The following PLCL2 variants were observed in gnomAD, a reference collection of about 807,000 sequenced individuals.
PLCL2 encodes inactive phospholipase C-like protein 2.
PLCL2 carries 4 observed loss-of-function variants against 79.6 expected under a neutral mutation model. That is an observed-to-expected ratio of 0.05 (90% confidence interval 0.02 to 0.11). PLCL2 has a LOEUF of 0.11. PLCL2 is among the 10% of genes least tolerant of loss of function. The pLI is 1.00. For missense variants in PLCL2, 895 were observed against 1,291.0 expected (o/e 0.69, Z 4.70); for synonymous variants, 484 against 457.7 (o/e 1.06, Z -0.73).
chr3:16,994,726 C>T (rs114744114), intron 1 of PLCL2, among the ~76,000 whole-genome samples: 1,888 of 152,214 alleles, frequency 0.012, 45 homozygotes, highest in African/African-American at 0.043. Context: ...TTCATTCATT[C>T]GGGGGCTCAA....
chr3:17,011,074 C>T lies in PLCL2; in HGVS notation c.1728C>T (p.Cys576=). 1 of 1,614,010 alleles carries T rather than the reference C, an allele frequency of 6.2e-7. No individual in the cohort carries two copies. The highest frequency in any genetic ancestry group is 8.5e-7 in the Non-Finnish European group (1 of 1,180,004). Residue 576 remains cysteine (C), a synonymous_variant, in exon 2 of 6, where the codon TGC becomes TGT. Transcript: ENST00000615277. The surrounding 1 kb of genome is among the most constrained non-coding windows in gnomAD (Gnocchi z 7.9). ...LIKAKKLSSN[C]SGVEGDVTDE... ...AAGCAAAGAAGCTGTCCTCAAATTG[C>T]TCTGGGGTAGAAGGAGATGTTACTG...
At chr3:17,014,176 C>T (rs1240243791) in intron 2 of PLCL2, among the ~76,000 whole-genome samples, 1 of 152,156 alleles carries the variant, frequency 6.6e-6, no homozygotes, top group Non-Finnish European at 1.5e-5. Flanking sequence ...AAGGTCCCTG[C>T]TGGGCAGACT....
Position 17,089,598 on chromosome 3 carries a change from G to A in PLCL2, c.3205-135G>A. On this transcript the variant is annotated intron_variant, in intron 5 of 5. Transcript: ENST00000615277. ...TTTATTAAAATTGACCTATTCAGATGCAGTGCCAATAAGAAATAATTATGC... is the reference window on the plus strand; with the variant it reads ...TTTATTAAAATTGACCTATTCAGATACAGTGCCAATAAGAAATAATTATGC... The A allele has an allele frequency of 6.4e-6, 4 of 622,332 alleles. No individual in the cohort carries two copies. In the South Asian group the frequency reaches 6.7e-5, roughly 10 times the overall value. The allele number at this position is 622,332 out of a possible 1,614,324, so 38.6% of individuals were successfully genotyped here.
At chr3:16,966,644 C>G (rs921721964) in intron 1 of PLCL2, among the ~76,000 whole-genome samples, 2 of 151,888 alleles carry the variant, frequency 1.3e-5, no homozygotes, top group African/African-American at 2.4e-5. Context: ...CCTTCTGGTC[C>G]TGGACTTTTT....
intron 1 of PLCL2, among the ~76,000 whole-genome samples, chr3:16,971,640 G>T (rs941179502): frequency 9.2e-5 from 14 of 152,060 alleles, no homozygotes; most frequent in Non-Finnish European, 1.9e-4. Context: ...TACCTTGGGC[G>T]ATATGGCCAT....
intron 4 of PLCL2, among the ~76,000 whole-genome samples, chr3:17,063,480 C>G (rs1021926077): frequency 6.6e-6 from 1 of 151,076 alleles, no homozygotes; most frequent in Non-Finnish European, 1.5e-5. Context: ...CTCTTGCATG[C>G]AAATCTGAAA....
intron 1 of PLCL2, among the ~76,000 whole-genome samples, chr3:16,919,260 A>G (rs760776389): frequency 3.3e-5 from 5 of 152,140 alleles, no homozygotes; most frequent in African/African-American, 7.2e-5. Flanking sequence ...TTATTTTTGT[A>G]CTATTTAGTT....
intron 1 of PLCL2, among the ~76,000 whole-genome samples, chr3:16,942,421 T>G (rs1412764872): frequency 6.6e-6 from 1 of 152,078 alleles, no homozygotes; most frequent in African/African-American, 2.4e-5. Context: ...AACTTCCCAT[T>G]ACCTTTTCCT....
intron 1 of PLCL2, among the ~76,000 whole-genome samples, chr3:16,924,460 G>T (rs1315425280): frequency 6.6e-6 from 1 of 152,148 alleles, no homozygotes; most frequent in Non-Finnish European, 1.5e-5. Context: ...TTTGTACTTG[G>T]CTTCTGTGTA....
chr3:16,992,836 C>G (rs1335657467), intron 1 of PLCL2, among the ~76,000 whole-genome samples: 2 of 152,180 alleles, frequency 1.3e-5, no homozygotes, highest in African/African-American at 4.8e-5. Context: ...AAACAAAAAG[C>G]AGTCATAAGG....
At chr3:17,027,883 C>T (rs1383347139) in intron 3 of PLCL2, among the ~76,000 whole-genome samples, 4 of 152,190 alleles carry the variant, frequency 2.6e-5, no homozygotes, top group Non-Finnish European at 5.9e-5. Context: ...TGGAAATTAA[C>T]GTTTGCTCTG....
rs770388367 is a variant in PLCL2, at chr3:17,011,852, T to C, written c.2506T>C (p.Tyr836His). 2 of 1,614,228 alleles carry C rather than the reference T, an allele frequency of 1.2e-6. No individual in the cohort carries two copies. The highest frequency in any genetic ancestry group is 1.7e-6 in the Non-Finnish European group (2 of 1,180,028). Residue 836 changes from tyrosine to histidine, a missense_variant, in exon 2 of 6, where the codon TAC (tyrosine) becomes CAC (histidine). Coordinates refer to ENST00000615277, the MANE Select transcript of PLCL2 (RefSeq NM_001144382.2). The surrounding 1 kb of genome is among the most constrained non-coding windows in gnomAD (Gnocchi z 7.9). The part of the protein sequence containing the change: ...MVRFVVLDDD[Y>H]IGDEFIGQYT... ...GCGCTTTGTAGTGCTGGATGATGAC[T>C]ACATTGGGGATGAATTCATCGGCCA...
At chr3:16,957,747 C>T (rs1018575678) in intron 1 of PLCL2, among the ~76,000 whole-genome samples, 2 of 152,156 alleles carry the variant, frequency 1.3e-5, no homozygotes, top group Non-Finnish European at 2.9e-5. Flanking sequence ...GGATAGTTAG[C>T]TCTTCTTGTT....
intron 5 of PLCL2, 36 bp from the exon 6 acceptor site, chr3:17,089,697 A>C: frequency 2.5e-6 from 3 of 1,218,240 alleles, no homozygotes; most frequent in Non-Finnish European, 2.4e-6. Flanking sequence ...AAGTTATGTC[A>C]TATCTAATAC....
chr3:17,085,383 T>TC lies in PLCL2; in HGVS notation c.3205-4347dup, dbSNP rs925252763. ...AACTCCTGAGGCTCAAGCCTTAGCC[T>TC]CCCAAAGTGCTGGGATTACAGGCAT... On this transcript the variant is annotated intron_variant, in intron 5 of 5. Coordinates refer to ENST00000615277, the MANE Select transcript of PLCL2 (RefSeq NM_001144382.2). Among the ~76,000 whole-genome samples, 47 of 151,978 alleles carry TC rather than the reference T, an allele frequency of 3.1e-4. 1 individual carries two copies. Among genetic ancestry groups the TC allele is most frequent in the Admixed American group, 2.0e-3 (30 of 15,264 alleles).
chr3:16,919,057 T>G (rs1183493706), intron 1 of PLCL2, among the ~76,000 whole-genome samples: 1 of 152,168 alleles, frequency 6.6e-6, no homozygotes, highest in Non-Finnish European at 1.5e-5. Flanking sequence ...AATACTTCGT[T>G]GTGAAATAGT....
chr3:16,931,948 C>T (rs1253280277), intron 1 of PLCL2, among the ~76,000 whole-genome samples: 3 of 152,056 alleles, frequency 2.0e-5, no homozygotes, highest in Non-Finnish European at 4.4e-5. Flanking sequence ...GATTAGTGCC[C>T]TTATAAGAAG....
At chr3:17,037,579 G>A (rs2064671295) in intron 3 of PLCL2, among the ~76,000 whole-genome samples, 1 of 152,126 alleles carries the variant, frequency 6.6e-6, no homozygotes, top group Non-Finnish European at 1.5e-5. Context: ...CATCTGTGTT[G>A]AGCAGGACAG....
chr3:16,929,837 T>G (rs2124941801), intron 1 of PLCL2, among the ~76,000 whole-genome samples: 1 of 152,344 alleles, frequency 6.6e-6, no homozygotes, highest in Admixed American at 6.5e-5. Flanking sequence ...AGTGAATAGC[T>G]GGCATGCATT....
Sources: allele counts gnomAD v4.1 joint callset (sites outside exome capture counted in the v4.1 genomes callset), GRCh38; gene constraint gnomAD v4.1.1; non-coding constraint Gnocchi (gnomAD v3.1); transcripts MANE v1.5; gene names NCBI Gene and HGNC (gene_info 2026-07-23, HGNC 2026-07-21).